Variants in GRID1 observed in about 807,000 individuals in gnomAD.
GRID1 encodes the protein glutamate receptor ionotropic, delta-1.
GRID1 carries 28 observed loss-of-function variants against 98.0 expected under a neutral mutation model. The ratio of observed to expected loss-of-function variants is 0.29; its 90% CI spans 0.21 to 0.39. GRID1 has a LOEUF of 0.39. Among genes scored for constraint, GRID1 ranks in the 10% least tolerant of loss-of-function variants. GRID1 has a pLI of 1.00. For synonymous variants in GRID1, 553 were observed against 538.5 expected, an observed-to-expected ratio of 1.03 and a Z score of -0.37; for missense variants, 1,111 against 1,340.5, an observed-to-expected ratio of 0.83 and a Z score of 2.67.
intron 12 of GRID1, 44 bp downstream of exon 12, chr10:85,722,959 C>A: frequency 6.4e-7 from 1 of 1,559,170 alleles, no homozygotes; most frequent in Non-Finnish European, 8.7e-7. Context: ...CTCTTTAAAG[C>A]CTCTCTGAGC....
intron 4 of GRID1, among the ~76,000 whole-genome samples, chr10:85,925,317 C>G (rs1841759993): frequency 6.6e-6 from 1 of 152,182 alleles, no homozygotes; most frequent in South Asian, 2.1e-4. Flanking sequence ...ACATTCAGGC[C>G]CTTGGCCACA....
chr10:86,172,651 C>T (rs1304101933), intron 3 of GRID1, among the ~76,000 whole-genome samples: 1 of 152,124 alleles, frequency 6.6e-6, no homozygotes, highest in Non-Finnish European at 1.5e-5. Context: ...CCAGGAAACT[C>T]GATTGATAGT....
chr10:85,770,375 G>GA (rs772351901), intron 8 of GRID1, among the ~76,000 whole-genome samples: 1 of 151,746 alleles, frequency 6.6e-6, no homozygotes, highest in Non-Finnish European at 1.5e-5. Context: ...CAAAGATGGG[G>GA]AAAAAAAAGA....
At chr10:86,112,267 G>A (rs1032267949) in intron 4 of GRID1, among the ~76,000 whole-genome samples, 4 of 152,170 alleles carry the variant, frequency 2.6e-5, no homozygotes, top group African/African-American at 9.7e-5. Flanking sequence ...ATGAGGCGTG[G>A]CCCAGCTCTG....
chr10:85,875,304 T>C (rs1403165620), intron 5 of GRID1, among the ~76,000 whole-genome samples: 1 of 152,222 alleles, frequency 6.6e-6, no homozygotes, highest in Non-Finnish European at 1.5e-5. Context: ...TTGTGTCTGA[T>C]ATTAATATAG....
chr10:85,791,351 G>C (rs1434718055), intron 8 of GRID1, among the ~76,000 whole-genome samples: 1 of 152,238 alleles, frequency 6.6e-6, no homozygotes, highest in African/African-American at 2.4e-5. Context: ...GCAGATCTTA[G>C]AAGAATTTTC....
chr10:85,627,250 C>T (rs1283088641), intron 13 of GRID1, among the ~76,000 whole-genome samples: 1 of 152,222 alleles, frequency 6.6e-6, no homozygotes, highest in Admixed American at 6.5e-5. Context: ...GCTGCCTGTG[C>T]AGACAAGTTG....
chr10:86,272,877 C>G (rs947154838), intron 2 of GRID1, among the ~76,000 whole-genome samples: 11 of 152,080 alleles, frequency 7.2e-5, no homozygotes, highest in Non-Finnish European at 1.3e-4. Context: ...TCTAGGCACA[C>G]TAATCTCTTT....
At chr10:85,729,946 A>G (rs1841804860) in intron 8 of GRID1, among the ~76,000 whole-genome samples, 1 of 152,212 alleles carries the variant, frequency 6.6e-6, no homozygotes, top group Non-Finnish European at 1.5e-5. Context: ...GATGCCTGCA[A>G]AATACCCTCT....
At chr10:85,645,124 G>A (rs556348287) in intron 13 of GRID1, among the ~76,000 whole-genome samples, 3 of 151,944 alleles carry the variant, frequency 2.0e-5, no homozygotes, top group Admixed American at 6.5e-5. Flanking sequence ...GTAATGAATA[G>A]AACTTTAACA....
intron 2 of GRID1, among the ~76,000 whole-genome samples, chr10:86,232,563 T>C (rs561730415): frequency 6.6e-6 from 1 of 152,312 alleles, no homozygotes; most frequent in East Asian, 1.9e-4. Context: ...AAAGAGATAC[T>C]GCGAAGTGAC....
intron 3 of GRID1, among the ~76,000 whole-genome samples, chr10:86,160,817 G>A (rs1845311267): frequency 6.6e-6 from 1 of 152,212 alleles, no homozygotes; most frequent in Non-Finnish European, 1.5e-5. Context: ...GTCACACAGG[G>A]TATAAGCGGT....
chr10:86,087,341 TTGTGTGTG>T (rs10591518), intron 4 of GRID1, among the ~76,000 whole-genome samples: 12 of 148,112 alleles, frequency 8.1e-5, no homozygotes, highest in African/African-American at 1.7e-4. Context: ...TTGAGTGTGT[TTGTGTGTG>T]TGTGTGTGTG....
intron 2 of GRID1, among the ~76,000 whole-genome samples, chr10:86,277,058 G>T (rs1589434937): frequency 6.6e-6 from 1 of 152,298 alleles, no homozygotes; most frequent in African/African-American, 2.4e-5. Flanking sequence ...CAAGAGCCGG[G>T]GGGAGAGGAA....
intron 12 of GRID1, among the ~76,000 whole-genome samples, chr10:85,690,009 G>A (rs371107987): frequency 6.6e-6 from 1 of 152,116 alleles, no homozygotes; most frequent in Non-Finnish European, 1.5e-5. Context: ...AAAGCTGTAT[G>A]TAAAATGATT....
chr10:86,332,836 C>G (rs1028918472), intron 2 of GRID1, among the ~76,000 whole-genome samples: 1 of 152,126 alleles, frequency 6.6e-6, no homozygotes, highest in Non-Finnish European at 1.5e-5. Flanking sequence ...TGACCTTCAC[C>G]CTGATCTTCC....
chr10:86,211,913 C>T (rs768388088), intron 2 of GRID1, among the ~76,000 whole-genome samples: 2 of 152,136 alleles, frequency 1.3e-5, no homozygotes, highest in African/African-American at 2.4e-5. Context: ...GGGCACCTCC[C>T]GGCTCAGTGC....
At chr10:86,357,747 G>T (rs1001545253) in intron 2 of GRID1, among the ~76,000 whole-genome samples, 1 of 152,164 alleles carries the variant, frequency 6.6e-6, no homozygotes. Context: ...AGTTCAGCAC[G>T]GGCTTGTGGG....
intron 6 of GRID1, among the ~76,000 whole-genome samples, chr10:85,865,900 T>G (rs2131789414): frequency 7.9e-6 from 1 of 126,976 alleles, no homozygotes; most frequent in African/African-American, 3.0e-5. Context: ...AATAAAGTGT[T>G]TTACATATAT....
Sources: allele counts gnomAD v4.1 joint callset (sites outside exome capture counted in the v4.1 genomes callset), GRCh38; gene constraint gnomAD v4.1.1; transcripts MANE v1.5; gene names NCBI Gene and HGNC (gene_info 2026-07-23, HGNC 2026-07-21).